COPB1: variants seen among roughly 807,000 people sequenced by gnomAD.
COPB1 encodes the protein coatomer subunit beta.
COPB1 carries 21 observed loss-of-function variants against 108.7 expected under a neutral mutation model. The observed-to-expected ratio is 0.19, with a 90% CI of 0.14 to 0.28. The LOEUF (loss-of-function observed/expected upper bound fraction) is 0.28, where lower values mean the gene tolerates loss of function less well. Ranked by LOEUF, COPB1 falls within the 10% of genes least tolerant of loss-of-function variation. COPB1 has a pLI of 1.00. For synonymous variants in COPB1, 378 were observed against 386.8 expected, an observed-to-expected ratio of 0.98 and a Z score of 0.27; for missense variants, 919 against 1,141.3, an observed-to-expected ratio of 0.81 and a Z score of 2.81.
intron 11 of COPB1, 69 bp from the exon 12 acceptor site, chr11:14,477,084 A>G: frequency 8.9e-7 from 1 of 1,129,448 alleles, no homozygotes; most frequent in Non-Finnish European, 1.3e-6. Context: ...TTTCTTTGTT[A>G]ATTTAAGCTC....
In COPB1 at chr11:14,475,975, T is replaced by C. The variant is rs1850512158; in HGVS notation, c.1456-30A>G. ...AAGTCAATTGGAAACATCATTTTAG[T>C]AATAGTATCAACAGCAAGCAAAATT... On this transcript the variant is annotated intron_variant, in intron 12 of 21. Coordinates refer to ENST00000439561, the MANE Select transcript of COPB1 (RefSeq NM_001144061.2). The C allele has an allele frequency of 3.2e-6, 5 of 1,548,690 alleles. No individual in the cohort carries two copies. In the Admixed American group the frequency reaches 7.8e-5, roughly 24 times the overall value.
chr11:14,483,889 A>G (rs1434122715), intron 7 of COPB1, among the ~76,000 whole-genome samples: 3 of 152,370 alleles, frequency 2.0e-5, no homozygotes, highest in African/African-American at 7.2e-5. Context: ...ACATATTTGC[A>G]TAGTTTCAAA....
chr11:14,477,504 C>G (rs1467090886), intron 11 of COPB1, among the ~76,000 whole-genome samples: 4 of 149,680 alleles, frequency 2.7e-5, no homozygotes, highest in Non-Finnish European at 5.9e-5. Context: ...CCAGCCTGGG[C>G]AACATGGTGA....
At chr11:14,465,074 C>G in intron 17 of COPB1, 44 bp from the exon 18 acceptor site, 1 of 1,066,274 alleles carries the variant, frequency 9.4e-7, no homozygotes, top group Admixed American at 2.7e-5. Context: ...CACACACACA[C>G]ACACACACAC....
chr11:14,489,258 C>T (rs547711109), intron 5 of COPB1, among the ~76,000 whole-genome samples: 1 of 152,144 alleles, frequency 6.6e-6, no homozygotes, highest in Admixed American at 6.5e-5. Flanking sequence ...AAAATGGAAC[C>T]CTTGTGCACT....
chr11:14,492,071 T>C (rs778418105), intron 4 of COPB1, among the ~76,000 whole-genome samples: 1 of 152,216 alleles, frequency 6.6e-6, no homozygotes, highest in African/African-American at 2.4e-5. Context: ...CATATTATTT[T>C]GAAGCAAATC....
chr11:14,469,310 T>C (rs751976519), intron 15 of COPB1, 26 bp downstream of exon 15: 87 of 1,583,340 alleles, frequency 5.5e-5, no homozygotes, highest in South Asian at 1.1e-5. Flanking sequence ...CAAAACACTT[T>C]TGTTGCCTCA....
intron 11 of COPB1, among the ~76,000 whole-genome samples, chr11:14,479,110 TTTCA>T (rs1850599724): frequency 6.6e-6 from 1 of 152,170 alleles, no homozygotes; most frequent in African/African-American, 2.4e-5. Context: ...CTGAGACATA[TTTCA>T]AGTCTGTTAG....
chr11:14,494,640 T>A, intron 2 of COPB1: 1 of 496,426 alleles, frequency 2.0e-6, no homozygotes, highest in Non-Finnish European at 3.6e-6. Flanking sequence ...CATTTATCTC[T>A]GGAAATCAGA....
chr11:14,496,616 G>A (rs1851025393), intron 2 of COPB1, among the ~76,000 whole-genome samples: 1 of 151,538 alleles, frequency 6.6e-6, no homozygotes, highest in Non-Finnish European at 1.5e-5. Context: ...TTGTTAAAAT[G>A]TCCATACCAC....
Position 14,476,943 on chromosome 11 carries a change from A to C in COPB1, c.1431T>G (p.Thr477=), listed in dbSNP as rs1850533559. The C allele has an allele frequency of 1.2e-6, 2 of 1,610,230 alleles. No individual in the cohort carries two copies. The highest frequency in any genetic ancestry group is 2.2e-5 in the East Asian group (1 of 44,860). ...CCTCTCCAAGGGACCTGCGGATCTC[A>C]GTCATCACACTCTGAATGTCTTCCT... ...STKEDIQSVM[T]EIRRSLGEIP... The change falls in exon 12 of 22, where the codon ACT becomes ACG. Residue 477 remains threonine (T), a synonymous_variant. Transcript: ENST00000439561.
At position 14,469,513 on chromosome 11, in the gene COPB1, T is replaced by C. The variant is rs1589955367; in HGVS notation, c.1788A>G (p.Gly596=). 1.2e-6 allele frequency: 2 copies of C among 1,614,118 alleles called. No individual in the cohort carries two copies. The highest frequency in any genetic ancestry group is 1.7e-6 in the Non-Finnish European group (2 of 1,180,028). The change falls in exon 15 of 22, where the codon GGA becomes GGG. Residue 596 remains glycine (G), a synonymous_variant. Transcript: ENST00000439561. ...TTGGCTTCTTAGGAAGAGAGGATTT[T>C]CCCAAATGCAGGATAGTAGCCATGA... ...MLLMATILHL[G]KSSLPKKPIT...
intron 14 of COPB1, chr11:14,474,289 A>G: frequency 2.7e-6 from 1 of 374,478 alleles, no homozygotes; most frequent in Non-Finnish European, 4.9e-6. Flanking sequence ...TACTTTGTCA[A>G]TTTTCATTTT....
chr11:14,483,101 A>G lies in COPB1; in HGVS notation c.888T>C (p.Asn296=). Reference sequence around the variant, plus strand: ...AGCGATCCAAAACTATGAGTTTTACATTGTTGTCGCTCTCCTTAATAATTA... The same window carrying G: ...AGCGATCCAAAACTATGAGTTTTACGTTGTTGTCGCTCTCCTTAATAATTA... ...IDLIIKESDN[N]VKLIVLDRLI... is the part of the protein sequence containing the mutation. The change falls in exon 8 of 22, where the codon AAT becomes AAC. Residue 296 remains asparagine (N), a synonymous_variant. Coordinates refer to ENST00000439561, the MANE Select transcript of COPB1 (RefSeq NM_001144061.2). The G allele has an allele frequency of 8.2e-6, 13 of 1,592,994 alleles. No individual in the cohort carries two copies. Among genetic ancestry groups the G allele is most frequent in the Non-Finnish European group, 1.1e-5 (13 of 1,163,334 alleles).
At chr11:14,460,790 T>A (rs1459324667) in intron 19 of COPB1, among the ~76,000 whole-genome samples, 2 of 152,116 alleles carry the variant, frequency 1.3e-5, no homozygotes, top group Non-Finnish European at 2.9e-5. Context: ...AGGCACGAGC[T>A]ACCGTGCCCA....
chr11:14,459,501 A>G (rs1343072849), intron 20 of COPB1, among the ~76,000 whole-genome samples: 1 of 152,212 alleles, frequency 6.6e-6, no homozygotes, highest in Non-Finnish European at 1.5e-5. Context: ...ACACAAACAT[A>G]GCAAAAAGTC....
At chr11:14,465,906 C>T (rs1008457362) in intron 17 of COPB1, among the ~76,000 whole-genome samples, 1 of 152,164 alleles carries the variant, frequency 6.6e-6, no homozygotes, top group African/African-American at 2.4e-5. Context: ...ACTTTGGTCA[C>T]ATGTGGTATC....
chr11:14,489,084 G>A (rs2134123080), intron 5 of COPB1, among the ~76,000 whole-genome samples: 1 of 152,304 alleles, frequency 6.6e-6, no homozygotes, highest in South Asian at 2.1e-4. Context: ...GCATTGGTCA[G>A]TAAAACCAAT....
chr11:14,459,685 G>A (rs558740263), intron 20 of COPB1, among the ~76,000 whole-genome samples: 10 of 151,398 alleles, frequency 6.6e-5, no homozygotes, highest in Middle Eastern at 3.4e-3. Context: ...GTGTGATCTC[G>A]GCTCACTGCA....
Sources: gnomAD v4.1 joint callset for allele counts (sites outside exome capture counted in the v4.1 genomes callset) on GRCh38, gnomAD v4.1.1 for gene constraint, MANE v1.5 for transcripts, NCBI Gene and HGNC (gene_info 2026-07-23, HGNC 2026-07-21) for gene names.